OTUB1: variants seen among roughly 807,000 people sequenced by gnomAD.
OTUB1 encodes the protein OTU deubiquitinase, ubiquitin aldehyde binding 1, also known as ubiquitin thioesterase OTUB1.
In OTUB1, 10 loss-of-function variants were observed where a neutral mutation model predicts 35.8. The ratio of observed to expected loss-of-function variants is 0.28; its 90% confidence interval spans 0.17 to 0.47. OTUB1 has a LOEUF of 0.47. Ranked by LOEUF, OTUB1 falls within the 20% of genes least tolerant of loss-of-function variation. The pLI, the probability that OTUB1 is intolerant of heterozygous loss-of-function variation, is 0.99. For synonymous variants in OTUB1, 158 were observed against 143.8 expected, an observed-to-expected ratio of 1.10 and a Z score of -0.71; for missense variants, 264 against 351.6, an observed-to-expected ratio of 0.75 and a Z score of 1.99.
At chr11:63,992,112 G>A (rs1942677660) in intron 3 of OTUB1, among the ~76,000 whole-genome samples, 1 of 152,046 alleles carries the variant, frequency 6.6e-6, no homozygotes, top group South Asian at 2.1e-4. Context: ...AGCTACTTAG[G>A]CTGAGGCAGC....
chr11:63,986,602 G>T, intron 1 of OTUB1, 88 bp downstream of exon 1: 10 of 1,246,494 alleles, frequency 8.0e-6, no homozygotes, highest in Non-Finnish European at 8.9e-6. Flanking sequence ...AGGCAGGGCC[G>T]CTGGCTCTGG....
chr11:63,998,107 G>T lies in OTUB1; in HGVS notation c.*561G>T. 8 of 343,622 alleles carry T rather than the reference G, an allele frequency of 2.3e-5. No homozygotes were observed. Among genetic ancestry groups the T allele is most frequent in the South Asian group, 1.2e-4 (4 of 32,050 alleles). 21.3% of individuals were successfully genotyped at this position (343,622 alleles called of 1,614,324 possible). On this transcript the variant is annotated 3_prime_UTR_variant, in exon 7 of 7. Coordinates refer to ENST00000538426, the MANE Select transcript of OTUB1 (RefSeq NM_017670.3). ...CTGGACCCGGCTCAGGGCAGGTGGA[G>T]GAGCTGGGCCTCCCACAGGGTGCCC...
intron 3 of OTUB1, among the ~76,000 whole-genome samples, chr11:63,995,342 A>G (rs922746461): frequency 5.9e-5 from 9 of 152,122 alleles, no homozygotes; most frequent in Non-Finnish European, 1.0e-4. Flanking sequence ...GATTACAGGC[A>G]TGCACCACCA....
chr11:63,995,972 A>C (rs1315465599), intron 3 of OTUB1, among the ~76,000 whole-genome samples: 1 of 151,930 alleles, frequency 6.6e-6, no homozygotes, highest in African/African-American at 2.4e-5. Flanking sequence ...GCGCCACTGC[A>C]CTCCAGCCTG....
chr11:63,989,601 C>T (rs1942651937), intron 3 of OTUB1: 1 of 150,542 alleles, frequency 6.6e-6, no homozygotes, highest in African/African-American at 2.5e-5. Context: ...GTGGTGCGCG[C>T]GTGTAGTTCC....
At position 63,988,402 on chromosome 11, in the gene OTUB1, AG is replaced by A; in HGVS notation, c.120+8del. 9 of 1,553,342 alleles carry A rather than the reference AG, an allele frequency of 5.8e-6. No individual in the cohort carries two copies. The highest frequency in any genetic ancestry group is 7.8e-6 in the Non-Finnish European group (9 of 1,147,652). Reference sequence around the variant, plus strand: ...GCAGGACCGAATTCAGCAAGAGGTGAGGGGCTGCAGTGGGCGAGGGAGGCAG... The same window carrying A: ...GCAGGACCGAATTCAGCAAGAGGTGAGGGCTGCAGTGGGCGAGGGAGGCAG... On this transcript the variant is annotated splice_donor_5th_base_variant and intron_variant, in intron 2 of 6. Coordinates refer to ENST00000538426, the MANE Select transcript of OTUB1 (RefSeq NM_017670.3).
chr11:63,995,265 C>T (rs952821175), intron 3 of OTUB1, among the ~76,000 whole-genome samples: 3 of 152,016 alleles, frequency 2.0e-5, no homozygotes, highest in South Asian at 2.1e-4. Flanking sequence ...GGCGCAATCT[C>T]GGCTCACTGC....
chr11:63,997,311 G>T (rs373968986), intron 6 of OTUB1, 38 bp from the exon 7 acceptor site: 7 of 1,612,592 alleles, frequency 4.3e-6, no homozygotes, highest in Non-Finnish European at 5.9e-6. Flanking sequence ...CTGGGGCGGG[G>T]TGCGGAGACC....
intron 3 of OTUB1, among the ~76,000 whole-genome samples, chr11:63,995,289 C>T (rs1214445529): frequency 2.6e-5 from 4 of 152,228 alleles, no homozygotes; most frequent in Admixed American, 6.5e-5. Flanking sequence ...CTCTGCTTCC[C>T]GGGTTCAAGC....
In OTUB1 at chr11:63,996,519, T is replaced by C. The variant is rs1942718234; in HGVS notation, c.220-11T>C. The C allele has an allele frequency of 6.2e-7, 1 of 1,613,680 alleles. No homozygotes were observed. On this transcript the variant is annotated splice_polypyrimidine_tract_variant and intron_variant, in intron 3 of 6. Coordinates refer to ENST00000538426, the MANE Select transcript of OTUB1 (RefSeq NM_017670.3). The stretch of plus-strand genomic sequence containing the variant: ...TGATGTTAACCTGTCGGGGTGGGGC[T>C]GTCTCCGCAGGACCTCCACAAAAAG...
At chr11:63,997,321 C>G in intron 6 of OTUB1, 28 bp from the exon 7 acceptor site, 1 of 1,613,428 alleles carries the variant, frequency 6.2e-7, no homozygotes, top group Middle Eastern at 1.6e-4. Flanking sequence ...GTGCGGAGAC[C>G]AGGGCCTGAC....
rs753467887 is a variant in OTUB1 at position 63,997,596 on chromosome 11, A to G, written c.*50A>G. 2 of 1,514,034 alleles carry G rather than the reference A, an allele frequency of 1.3e-6. No homozygotes were observed. The highest frequency in any genetic ancestry group is 1.7e-5 in the Admixed American group (1 of 59,828). 93.8% of individuals were successfully genotyped at this position (1,514,034 alleles called of 1,614,324 possible). On this transcript the variant is annotated 3_prime_UTR_variant, in exon 7 of 7. Coordinates refer to ENST00000538426, the MANE Select transcript of OTUB1 (RefSeq NM_017670.3). ...CTGCTGCCCCCCTCTGCCAGGCGCT[A>G]GACATGTACAGAGGTTTTTCTGTGG... is the stretch of plus-strand genomic sequence containing the variant.
Position 63,997,444 on chromosome 11 carries a change from C to A in OTUB1, c.714C>A (p.Arg238=), listed in dbSNP as rs145777501. 2 of 1,614,116 alleles carry A rather than the reference C, an allele frequency of 1.2e-6. No homozygotes were observed. The highest frequency in any genetic ancestry group is 1.1e-5 in the South Asian group (1 of 91,090). The part of the protein sequence containing the change: ...SVSIQVEYMD[R]GEGGTTNPHI... ...CCATCCAGGTGGAGTACATGGACCG[C>A]GGCGAGGGCGGCACCACCAATCCGC... Residue 238 remains arginine (R), a synonymous_variant, in exon 7 of 7, where the codon CGC becomes CGA. Coordinates refer to ENST00000538426, the MANE Select transcript of OTUB1 (RefSeq NM_017670.3).
intron 3 of OTUB1, chr11:63,989,536 G>A (rs1422057729): frequency 6.6e-6 from 1 of 151,834 alleles, no homozygotes; most frequent in Admixed American, 6.6e-5. Context: ...AGACCAGCCT[G>A]GTCAACATGG....
In OTUB1 at chr11:63,997,613, T is replaced by C; in HGVS notation, c.*67T>C. On this transcript the variant is annotated 3_prime_UTR_variant, in exon 7 of 7. Coordinates refer to ENST00000538426, the MANE Select transcript of OTUB1 (RefSeq NM_017670.3). ...CAGGCGCTAGACATGTACAGAGGTTTTTCTGTGGTTGTAAATGGTCCTATT... is the reference window on the plus strand; with the variant it reads ...CAGGCGCTAGACATGTACAGAGGTTCTTCTGTGGTTGTAAATGGTCCTATT... 1 of 1,396,608 alleles carries C rather than the reference T, an allele frequency of 7.2e-7. No individual in the cohort carries two copies. Among genetic ancestry groups the C allele is most frequent in the South Asian group, 1.2e-5 (1 of 86,796 alleles). The allele number at this position is 1,396,608 out of a possible 1,614,324, so 86.5% of individuals were successfully genotyped here.
chr11:63,986,762 G>A, intron 1 of OTUB1: 1 of 493,272 alleles, frequency 2.0e-6, no homozygotes, highest in Admixed American at 3.8e-5. Context: ...TGTGCGCCCG[G>A]GGCGGGGCCT....
intron 1 of OTUB1, among the ~76,000 whole-genome samples, chr11:63,987,902 G>A (rs949521797): frequency 3.9e-5 from 6 of 152,094 alleles, no homozygotes; most frequent in Admixed American, 2.0e-4. Context: ...CTGAAAGAGC[G>A]CACCTTAGGG....
At chr11:63,988,141 G>A (rs2134304845) in intron 1 of OTUB1, among the ~76,000 whole-genome samples, 196 bp from the exon 2 acceptor site, 1 of 152,222 alleles carries the variant, frequency 6.6e-6, no homozygotes, top group African/African-American at 2.4e-5. Context: ...TGGGAGTGGT[G>A]GTGCACGCAT....
chr11:63,986,552 G>T (rs748482329), intron 1 of OTUB1, 38 bp downstream of exon 1: 2 of 1,513,336 alleles, frequency 1.3e-6, no homozygotes, highest in Non-Finnish European at 1.8e-6. Context: ...CCGGGCTAGT[G>T]GGGGCGATGC....
Sources: gnomAD v4.1 joint callset for allele counts (sites outside exome capture counted in the v4.1 genomes callset) on GRCh38, gnomAD v4.1.1 for gene constraint, MANE v1.5 for transcripts, NCBI Gene and HGNC (gene_info 2026-07-23, HGNC 2026-07-21) for gene names.